TRRAP: variants seen among roughly 807,000 people sequenced by gnomAD.
TRRAP encodes the protein transformation/transcription domain associated protein, also known as transformation/transcription domain-associated protein.
Under a neutral mutation model 438.8 loss-of-function variants are expected in TRRAP, and 41 were observed. That is an observed-to-expected ratio of 0.09 (90% CI 0.07 to 0.12). The LOEUF (loss-of-function observed/expected upper bound fraction) is 0.12. Among genes scored for constraint, TRRAP ranks in the 10% least tolerant of loss-of-function variants. The pLI, the probability that TRRAP is intolerant of heterozygous loss-of-function variation, is 1.00. For missense variants in TRRAP, 3,122 were observed against 5,055.1 expected, an observed-to-expected ratio of 0.62 and a Z score of 11.60; for synonymous variants, 1,994 against 1,962.9, an observed-to-expected ratio of 1.02 and a Z score of -0.42.
chr7:99,008,580 C>T lies in TRRAP; in HGVS notation c.10938+19C>T, dbSNP rs1188875280. 1.4e-5 allele frequency: 22 copies of T among 1,610,720 alleles called. No homozygotes were observed. The highest frequency in any genetic ancestry group is 3.3e-5 in the South Asian group (3 of 90,916). On this transcript the variant is annotated intron_variant, in intron 70 of 72. Coordinates refer to ENST00000456197, the MANE Select transcript of TRRAP (RefSeq NM_001375524.1). ...CCACCAGGTAGCAGTGGGGCCGGGC[C>T]GGGGGCCGAGCTGCCGCCTGCAGCC...
Position 98,967,193 on chromosome 7 carries a change from A to G in TRRAP, c.7298+31A>G, listed in dbSNP as rs887575096. ...TACAGCAATTAATCAAGTACTACATATATTGGTCCTTAATGTGCTCCCCGG... is the reference window on the plus strand; with the variant it reads ...TACAGCAATTAATCAAGTACTACATGTATTGGTCCTTAATGTGCTCCCCGG... On this transcript the variant is annotated intron_variant, in intron 50 of 72. Coordinates refer to ENST00000456197, the MANE Select transcript of TRRAP (RefSeq NM_001375524.1). 2.5e-6 allele frequency: 4 copies of G among 1,599,782 alleles called. No homozygotes were observed. The African/African-American group carries it at 5.4e-5, about 22-fold the overall frequency.
chr7:98,884,203 G>T (rs1795590084), intron 3 of TRRAP, among the ~76,000 whole-genome samples: 1 of 152,124 alleles, frequency 6.6e-6, no homozygotes, highest in African/African-American at 2.4e-5. Flanking sequence ...CTCTAACATT[G>T]CTAGATGTAT....
chr7:98,915,524 A>G (rs1253627291), intron 18 of TRRAP, among the ~76,000 whole-genome samples, 199 bp from the exon 19 acceptor site: 5 of 152,202 alleles, frequency 3.3e-5, no homozygotes, highest in African/African-American at 1.2e-4. Flanking sequence ...CATTTGTTAC[A>G]GATACCAACA....
intron 59 of TRRAP, 78 bp from the exon 60 acceptor site, chr7:98,983,186 C>G: frequency 7.5e-7 from 1 of 1,336,744 alleles, no homozygotes; most frequent in South Asian, 1.5e-5. Flanking sequence ...AATCATGTCC[C>G]CAATGGACTC....
rs554229273 is a variant in TRRAP, at chr7:98,923,161, A to G, written c.2823+1208A>G. On this transcript the variant is annotated intron_variant, in intron 21 of 72. Coordinates refer to ENST00000456197, the MANE Select transcript of TRRAP (RefSeq NM_001375524.1). ...TCCAAATGAATGCTACTCTCCTAAG[A>G]GAATTGGATGGCTAAAATTCTGTCT... 2.6e-5 allele frequency among the ~76,000 whole-genome samples: 4 copies of G among 152,328 alleles called. No individual in the cohort carries two copies. In the East Asian group the frequency reaches 5.8e-4, roughly 22 times the overall value.
At position 99,012,614 on chromosome 7, in the gene TRRAP, A is replaced by G. The variant is rs971207694; in HGVS notation, c.*259A>G. 19 of 507,914 alleles carry G rather than the reference A, an allele frequency of 3.7e-5. No homozygotes were observed. The highest frequency in any genetic ancestry group is 5.5e-5 in the Non-Finnish European group (16 of 291,164). The allele number at this position is 507,914 out of a possible 1,614,324, so 31.5% of individuals were successfully genotyped here. On this transcript the variant is annotated 3_prime_UTR_variant, in exon 73 of 73. Coordinates refer to ENST00000456197, the MANE Select transcript of TRRAP (RefSeq NM_001375524.1). This position sits in a 1 kb window ranked among gnomAD's most constrained non-coding sequence, Gnocchi z 5.9. ...TCCAAGCTTTCAAAATAATCTTTTAAGAAGCCAGGATTCTCCGGTCTGGAA... is the reference window on the plus strand; with the variant it reads ...TCCAAGCTTTCAAAATAATCTTTTAGGAAGCCAGGATTCTCCGGTCTGGAA...
In TRRAP at chr7:98,933,367, C is replaced by A; in HGVS notation, c.3979C>A (p.Leu1327Ile). 6.2e-7 allele frequency: 1 copy of A among 1,613,970 alleles called. No homozygotes were observed. The highest frequency in any genetic ancestry group is 8.5e-7 in the Non-Finnish European group (1 of 1,180,002). The change falls in exon 27 of 73, where the codon CTT becomes ATT. Residue 1327 changes from leucine to isoleucine, a missense_variant. Around this residue, in one of 24 missense-constraint regions of TRRAP, gnomAD observed 84 missense variants for 119.8 expected, o/e 0.70. Transcript: ENST00000456197. Reference protein sequence around the residue: ...TLQPRLFTMDLNVVEHKVFYT... With the variant: ...TLQPRLFTMDINVVEHKVFYT... Reference sequence around the variant, plus strand: ...GCAGCCCAGGCTCTTCACAATGGACCTTAACGTGGTGGAGCATAAGGTGTT... The same window carrying A: ...GCAGCCCAGGCTCTTCACAATGGACATTAACGTGGTGGAGCATAAGGTGTT...
At chr7:98,917,759 G>A in intron 20 of TRRAP, 80 bp downstream of exon 20, 1 of 1,534,968 alleles carries the variant, frequency 6.5e-7, no homozygotes, top group South Asian at 1.3e-5. Context: ...ACTCAAGAGT[G>A]GGCTCTGCAA....
Position 98,943,023 on chromosome 7 carries a change from T to C in TRRAP, c.4473+6T>C, listed in dbSNP as rs781793370. Reference sequence around the variant, plus strand: ...GCCAGAGGAGCGACGGAAACGTGAGTGACTTGTTTGTTTCTGGGAAGGGCA... The same window carrying C: ...GCCAGAGGAGCGACGGAAACGTGAGCGACTTGTTTGTTTCTGGGAAGGGCA... On this transcript the variant is annotated splice_donor_region_variant and intron_variant, in intron 31 of 72. Coordinates refer to ENST00000456197, the MANE Select transcript of TRRAP (RefSeq NM_001375524.1). 6.2e-7 allele frequency: 1 copy of C among 1,613,894 alleles called. No homozygotes were observed. Among genetic ancestry groups the C allele is most frequent in the Non-Finnish European group, 8.5e-7 (1 of 1,179,950 alleles).
intron 11 of TRRAP, among the ~76,000 whole-genome samples, chr7:98,901,088 G>T (rs935496144): frequency 4.6e-5 from 7 of 152,214 alleles, no homozygotes; most frequent in Non-Finnish European, 1.0e-4. Context: ...TTTTATTGCT[G>T]TGTAGTTGTC....
rs200128420 is a variant in TRRAP at position 98,955,144 on chromosome 7, T to C, written c.5777T>C (p.Ile1926Thr). The C allele has an allele frequency of 6.2e-7, 1 of 1,614,224 alleles. No individual in the cohort carries two copies. Among genetic ancestry groups the C allele is most frequent in the East Asian group, 2.2e-5 (1 of 44,882 alleles). Residue 1926 changes from isoleucine to threonine, a missense_variant, in exon 41 of 73, where the codon ATC becomes ACC. Around this residue, in one of 24 missense-constraint regions of TRRAP, gnomAD observed 35 missense variants for 104.9 expected, o/e 0.33. Coordinates refer to ENST00000456197, the MANE Select transcript of TRRAP (RefSeq NM_001375524.1). The part of the protein sequence containing the change: ...LKAHAMEARA[I>T]VRQAMAILTP... ...GCTCACGCAATGGAAGCTCGAGCGATCGTCAGACAGGCGATGGCCATTCTG... is the reference window on the plus strand; with the variant it reads ...GCTCACGCAATGGAAGCTCGAGCGACCGTCAGACAGGCGATGGCCATTCTG...
At chr7:98,967,816 C>G in intron 51 of TRRAP, 118 bp downstream of exon 51, 3 of 886,834 alleles carry the variant, frequency 3.4e-6, no homozygotes, top group East Asian at 2.6e-5. Flanking sequence ...CCAGCACAAA[C>G]CTGCTTCTGA....
chr7:98,967,343 T>C, intron 50 of TRRAP, 142 bp from the exon 51 acceptor site: 2 of 1,248,072 alleles, frequency 1.6e-6, no homozygotes, highest in Non-Finnish European at 2.2e-6. Flanking sequence ...TAATGCTGCA[T>C]GAGCCTGCCA....
rs1410323337 is a variant in TRRAP, at chr7:98,967,346, G to C, written c.7299-139G>C. 101 of 1,249,454 alleles carry C rather than the reference G, an allele frequency of 8.1e-5. 1 individual carries two copies. The highest frequency in any genetic ancestry group is 4.5e-6 in the Non-Finnish European group (4 of 894,904). The allele number at this position is 1,249,454 out of a possible 1,614,324, so 77.4% of individuals were successfully genotyped here. A position where few individuals can be genotyped will look rare whatever the true frequency, so the allele number is the denominator to read the frequency against. On this transcript the variant is annotated intron_variant, in intron 50 of 72. Coordinates refer to ENST00000456197, the MANE Select transcript of TRRAP (RefSeq NM_001375524.1). ...GACCTTGTGTTGTAATGCTGCATGA[G>C]CCTGCCACGATTTATAACATACTCT... is the stretch of plus-strand genomic sequence containing the variant.
intron 52 of TRRAP, 149 bp from the exon 53 acceptor site, chr7:98,971,650 G>A: frequency 1.0e-6 from 1 of 960,688 alleles, no homozygotes; most frequent in Middle Eastern, 2.2e-4. Flanking sequence ...GTTTATTTTA[G>A]GATTGAAGAT....
At chr7:99,001,754 C>G (rs976658595) in intron 67 of TRRAP, among the ~76,000 whole-genome samples, 1 of 152,120 alleles carries the variant, frequency 6.6e-6, no homozygotes, top group East Asian at 1.9e-4. Flanking sequence ...GGCTGCCAAC[C>G]ACATGTCTGT....
intron 70 of TRRAP, among the ~76,000 whole-genome samples, chr7:99,009,970 C>G (rs1352574893): frequency 2.0e-5 from 3 of 150,620 alleles, no homozygotes; most frequent in Admixed American, 2.0e-4. Context: ...TCACCGCATC[C>G]TCCGCCTCCT....
intron 40 of TRRAP, 30 bp downstream of exon 40, chr7:98,953,463 C>T (rs200501021): frequency 2.5e-6 from 4 of 1,598,984 alleles, no homozygotes; most frequent in Non-Finnish European, 2.5e-6. Context: ...TGTCCGCCGA[C>T]ATCAGCGTGA....
chr7:98,915,201 T>C (rs1379685065), intron 18 of TRRAP, among the ~76,000 whole-genome samples: 2 of 151,366 alleles, frequency 1.3e-5, no homozygotes, highest in Non-Finnish European at 2.9e-5. Context: ...GTAGGTTACT[T>C]TTTTTTTTGA....
Sources: gnomAD v4.1 joint callset for allele counts (sites outside exome capture counted in the v4.1 genomes callset) on GRCh38, gnomAD v4.1.1 for gene constraint, gnomAD v4.1.1 regional missense constraint, Gnocchi (gnomAD v3.1) non-coding constraint, MANE v1.5 for transcripts, NCBI Gene and HGNC (gene_info 2026-07-23, HGNC 2026-07-21) for gene names.